Variants in DNAH17 observed in about 807,000 individuals in gnomAD.
DNAH17 encodes the protein dynein axonemal heavy chain 17.
Under a neutral mutation model 485.6 loss-of-function variants are expected in DNAH17, and 376 were observed. The observed-to-expected ratio is 0.77, with a 90% CI of 0.71 to 0.84. DNAH17 has a LOEUF of 0.84. Among genes scored for constraint, DNAH17 ranks in the 40% least tolerant of loss-of-function variants. DNAH17 has a pLI of 0.00. For missense variants in DNAH17, 6,370 were observed against 5,839.3 expected (o/e 1.09, Z -2.96); for synonymous variants, 3,031 against 2,405.9 (o/e 1.26, Z -7.60).
intron 1 of DNAH17, among the ~76,000 whole-genome samples, chr17:78,576,855 G>A (rs2092440112): frequency 6.6e-6 from 1 of 152,246 alleles, no homozygotes; most frequent in African/African-American, 2.4e-5. Context: ...ACGATCGGGA[G>A]GTCTCATCTC....
intron 16 of DNAH17, among the ~76,000 whole-genome samples, chr17:78,546,245 A>G (rs2091760365): frequency 6.6e-6 from 1 of 152,212 alleles, no homozygotes; most frequent in South Asian, 2.1e-4. Context: ...GCCATCTTTT[A>G]AAGGTCAAAA....
At chr17:78,572,631 T>TG (rs1000356853) in intron 3 of DNAH17, 70 bp downstream of exon 3, 86 of 1,179,234 alleles carry the variant, frequency 7.3e-5, no homozygotes, top group Non-Finnish European at 5.0e-5. Context: ...TGGAGTGGGG[T>TG]GGGGGGTGGG....
At chr17:78,576,076 C>A (rs2092428961) in intron 1 of DNAH17, among the ~76,000 whole-genome samples, 1 of 152,140 alleles carries the variant, frequency 6.6e-6, no homozygotes, top group Admixed American at 6.5e-5. Flanking sequence ...CTCTGGGGGT[C>A]CGTGGGCTGG....
In DNAH17 at chr17:78,455,369, A is replaced by G. The variant is rs995950733; in HGVS notation, c.10170+275T>C. Among the ~76,000 whole-genome samples, 5 of 151,574 alleles carry G rather than the reference A, an allele frequency of 3.3e-5. No individual in the cohort carries two copies. In the East Asian group the frequency reaches 7.8e-4, roughly 24 times the overall value. On this transcript the variant is annotated intron_variant, in intron 63 of 80. Transcript: ENST00000389840. ...AAGATGGGGTCTCGCTGTGTCGTCCAGGTTGGAATGCAGTAGTGTGATCTC... is the reference window on the plus strand; with the variant it reads ...AAGATGGGGTCTCGCTGTGTCGTCCGGGTTGGAATGCAGTAGTGTGATCTC...
At chr17:78,489,996 C>T (rs2089779558) in intron 44 of DNAH17, 1 of 152,164 alleles carries the variant, frequency 6.6e-6, no homozygotes, top group African/African-American at 2.4e-5. Flanking sequence ...ATTTCTATGT[C>T]CCCAGGAAAT....
At chr17:78,498,923 G>T (rs2090171955) in intron 37 of DNAH17, 85 bp downstream of exon 37, 2 of 1,034,144 alleles carry the variant, frequency 1.9e-6, no homozygotes, top group Non-Finnish European at 2.8e-6. Flanking sequence ...GAGGCAAGGA[G>T]GGTCTATCTG....
At chr17:78,537,762 C>T (rs2091416851) in intron 18 of DNAH17, among the ~76,000 whole-genome samples, 1 of 152,260 alleles carries the variant, frequency 6.6e-6, no homozygotes, top group African/African-American at 2.4e-5. Context: ...ACACCTGCTA[C>T]TTGCCAGCTC....
At chr17:78,537,784 G>A (rs2091417272) in intron 18 of DNAH17, among the ~76,000 whole-genome samples, 1 of 152,178 alleles carries the variant, frequency 6.6e-6, no homozygotes, top group Non-Finnish European at 1.5e-5. Context: ...GAGGCCTTGG[G>A]GAGTCACTTA....
At chr17:78,477,372 ATT>A (rs111240489) in intron 51 of DNAH17, among the ~76,000 whole-genome samples, 2,252 of 147,826 alleles carry the variant, frequency 0.015, 53 homozygotes, top group African/African-American at 0.052. Flanking sequence ...CTGATACTTT[ATT>A]TTTTTTTTTA....
chr17:78,551,562 ATTTTG>A lies in DNAH17; in HGVS notation c.2359_2363del (p.Gln787TyrfsTer18). 1 of 1,613,906 alleles carries A rather than the reference ATTTTG, an allele frequency of 6.2e-7. No individual in the cohort carries two copies. On this transcript the variant is annotated frameshift_variant, in exon 16 of 81. Transcript: ENST00000389840. LOFTEE classifies it high-confidence loss of function. ...TCATAGCCTGGGAAATTCCTTCTAT[ATTTTG>A]TTTTGCCTTTTGCATCCTGTTCTGC...
intron 69 of DNAH17, among the ~76,000 whole-genome samples, chr17:78,446,297 T>C (rs1056276388): frequency 3.3e-5 from 5 of 151,688 alleles, no homozygotes; most frequent in African/African-American, 9.7e-5. Context: ...CAGGACTTTT[T>C]TGTTACCCCC....
In DNAH17 at chr17:78,569,653, C is replaced by T. The variant is rs556943526; in HGVS notation, c.1045-126G>A. ...GATATCTGAAAATAACCCCTCCTAT[C>T]TGCCCACTGCTGGGCCGTTTTTAGG... On this transcript the variant is annotated intron_variant, in intron 7 of 80. Transcript: ENST00000389840. The T allele has an allele frequency of 1.4e-5, 17 of 1,215,726 alleles. No homozygotes were observed. In the South Asian group the frequency reaches 2.5e-4, roughly 18 times the overall value. The allele number at this position is 1,215,726 out of a possible 1,614,324, so 75.3% of individuals were successfully genotyped here.
At chr17:78,566,516 A>G in intron 11 of DNAH17, 98 bp downstream of exon 11, 1 of 894,732 alleles carries the variant, frequency 1.1e-6, no homozygotes, top group South Asian at 1.6e-5. Flanking sequence ...TCAGCTCTAC[A>G]TGGAGAGGAT....
chr17:78,550,400 C>CAT (rs2091875715), intron 16 of DNAH17, among the ~76,000 whole-genome samples: 1 of 152,282 alleles, frequency 6.6e-6, no homozygotes, highest in Non-Finnish European at 1.5e-5. Context: ...CCCCCAAATC[C>CAT]GTGTGTAGGG....
At chr17:78,552,668 C>A in intron 15 of DNAH17, 29 bp downstream of exon 15, 2 of 1,554,620 alleles carry the variant, frequency 1.3e-6, no homozygotes. Flanking sequence ...CAAGTTTAAT[C>A]CAATGTGGGA....
rs925790123 is a variant in DNAH17, at chr17:78,483,385, T to C, written c.7649+1483A>G. On this transcript the variant is annotated intron_variant, in intron 48 of 80. Transcript: ENST00000389840. ...TGGCTCACGCCTGTAGTCCCAGCAC[T>C]TTGGGAGCCCGAGGCGGGCAGATCA... Among the ~76,000 whole-genome samples, 8 of 152,316 alleles carry C rather than the reference T, an allele frequency of 5.3e-5. 1 individual carries two copies. The highest frequency in any genetic ancestry group is 7.4e-5 in the Non-Finnish European group (5 of 68,018).
Position 78,570,252 on chromosome 17 carries a change from C to G in DNAH17, c.1039G>C (p.Glu347Gln), listed in dbSNP as rs141770758. The G allele has an allele frequency of 1.3e-6, 2 of 1,582,990 alleles. No individual in the cohort carries two copies. Among genetic ancestry groups the G allele is most frequent in the African/African-American group, 1.3e-5 (1 of 74,550 alleles). ...ILQEFCNQII[E>Q]MTRTFLSPEE... is the part of the protein sequence containing the mutation. ...AGGGGCCAGGGGAGGGTTACCATCTCGATGATTTGGTTGCAGAACTCCTGC... is the reference window on the plus strand; with the variant it reads ...AGGGGCCAGGGGAGGGTTACCATCTGGATGATTTGGTTGCAGAACTCCTGC... Residue 347 changes from glutamate (E) to glutamine (Q), a missense_variant, in exon 7 of 81, where the codon GAG becomes CAG. Coordinates refer to ENST00000389840, the MANE Select transcript of DNAH17 (RefSeq NM_173628.4).
chr17:78,476,574 C>T lies in DNAH17; in HGVS notation c.8152G>A (p.Asp2718Asn). The T allele has an allele frequency of 1.2e-6, 2 of 1,608,942 alleles. No individual in the cohort carries two copies. Among genetic ancestry groups the T allele is most frequent in the African/African-American group, 1.3e-5 (1 of 74,948 alleles). Residue 2718 changes from aspartate to asparagine, a missense_variant and splice_region_variant, in exon 52 of 81, where the codon GAT (aspartate) becomes AAT (asparagine). By Grantham distance (23) the Asp-to-Asn change is conservative (BLOSUM62 1). Coordinates refer to ENST00000389840, the MANE Select transcript of DNAH17 (RefSeq NM_173628.4). ...VTMASTKKFF[D>N]DLGDELLFAK... The stretch of plus-strand genomic sequence containing the variant: ...AGGGACTGGGCAGCTTGACTTACAT[C>T]AAAGAACTTCTTGGTGGAGGCCATG...
Position 78,502,659 on chromosome 17 carries a change from C to T in DNAH17, c.5122G>A (p.Val1708Met), listed in dbSNP as rs2090339575. The T allele has an allele frequency of 6.8e-6, 11 of 1,612,804 alleles. No homozygotes were observed. The Admixed American group carries it at 1.5e-4, about 22-fold the overall frequency. ...TCCAGCCTGGCAAATGCCAGGCCCA[C>T]CTCGGTCGTCCACCAGATCTGGGTG... is the stretch of plus-strand genomic sequence containing the variant. ...TCTQIWWTTE[V>M]GLAFARLEEG... is the part of the protein sequence containing the mutation. The change falls in exon 33 of 81, where the codon GTG (valine) becomes ATG (methionine). Residue 1708 changes from valine to methionine, a missense_variant. Val to Met is a conservative substitution (Grantham distance 21). Coordinates refer to ENST00000389840, the MANE Select transcript of DNAH17 (RefSeq NM_173628.4).
Sources: allele counts gnomAD v4.1 joint callset (sites outside exome capture counted in the v4.1 genomes callset), GRCh38; gene constraint gnomAD v4.1.1; transcripts MANE v1.5; gene names NCBI Gene and HGNC (gene_info 2026-07-23, HGNC 2026-07-21).